The following METAP1 variants were observed in gnomAD, a reference collection of about 807,000 sequenced individuals.
METAP1 encodes the protein methionine aminopeptidase 1.
METAP1 carries 28 observed loss-of-function variants against 53.8 expected under a neutral mutation model. The ratio of observed to expected loss-of-function variants is 0.52; its 90% confidence interval spans 0.39 to 0.71. METAP1 has a LOEUF of 0.71. Ranked by LOEUF, METAP1 falls within the 30% of genes least tolerant of loss-of-function variation. The pLI, the probability that METAP1 is intolerant of heterozygous loss-of-function variation, is 0.00. For missense variants in METAP1, 389 were observed against 479.8 expected, an observed-to-expected ratio of 0.81 and a Z score of 1.77; for synonymous variants, 181 against 165.7, an observed-to-expected ratio of 1.09 and a Z score of -0.71.
chr4:99,057,634 C>A, intron 9 of METAP1, 119 bp from the exon 10 acceptor site: 1 of 714,694 alleles, frequency 1.4e-6, no homozygotes, highest in South Asian at 1.9e-5. Context: ...GAAAGGGAAT[C>A]AGGGTAATTA....
chr4:99,023,461 T>TTA, intron 1 of METAP1: 1 of 980,894 alleles, frequency 1.0e-6, no homozygotes, highest in Non-Finnish European at 1.2e-6. Context: ...AGTTACCAGG[T>TTA]GACTACTCAG....
chr4:99,045,200 A>T lies in METAP1; in HGVS notation c.677A>T (p.Asn226Ile), dbSNP rs201900092. The change falls in exon 8 of 11, where the codon AAT (asparagine) becomes ATT (isoleucine). Residue 226 changes from asparagine (N) to isoleucine (I), a missense_variant. By Grantham distance (149) the Asn-to-Ile change is moderately radical. Transcript: ENST00000296411. ...GCAGTGGATATCACTCTTTATCGCAATGGTTATCATGGGGACCTGAATGAG... is the reference window on the plus strand; with the variant it reads ...GCAGTGGATATCACTCTTTATCGCATTGGTTATCATGGGGACCTGAATGAG... ...IVNVDITLYR[N>I]GYHGDLNETF... 6.2e-7 allele frequency: 1 copy of T among 1,613,506 alleles called. No individual in the cohort carries two copies.
intron 1 of METAP1, among the ~76,000 whole-genome samples, chr4:99,007,343 G>T (rs931600605): frequency 7.2e-5 from 11 of 152,170 alleles, no homozygotes; most frequent in African/African-American, 2.7e-4. Context: ...TGGTGGTTCT[G>T]TTCCTAGCAG....
chr4:99,022,900 C>A, intron 1 of METAP1: 1 of 1,509,824 alleles, frequency 6.6e-7, no homozygotes, highest in Non-Finnish European at 8.9e-7. Flanking sequence ...CAGTCCTCAG[C>A]CTGAAAGAAC....
rs1188170441 is a variant in METAP1 at position 99,026,850 on chromosome 4, T to C, written c.115-2017T>C. ...ATGGCCCCAGTAAGGAAGATAAAGA[T>C]GGGTGTCCTTAAAGAGGTGAGAGGT... is the stretch of plus-strand genomic sequence containing the variant. On this transcript the variant is annotated intron_variant, in intron 1 of 10. Coordinates refer to ENST00000296411, the MANE Select transcript of METAP1 (RefSeq NM_015143.3). 4 of 985,230 alleles carry C rather than the reference T, an allele frequency of 4.1e-6. No homozygotes were observed. The African/African-American group carries it at 7.0e-5, about 17-fold the overall frequency. 61.0% of individuals were successfully genotyped at this position (985,230 alleles called of 1,614,324 possible). A position where few individuals can be genotyped will look rare whatever the true frequency, so the allele number is the denominator to read the frequency against.
intron 1 of METAP1, chr4:99,022,799 A>G: frequency 6.3e-7 from 1 of 1,597,072 alleles, no homozygotes; most frequent in Admixed American, 1.7e-5. Flanking sequence ...CTTGTCACGG[A>G]ACTCCACCCA....
intron 9 of METAP1, among the ~76,000 whole-genome samples, chr4:99,052,422 T>C (rs1183674073): frequency 6.6e-6 from 1 of 152,172 alleles, no homozygotes; most frequent in African/African-American, 2.4e-5. Flanking sequence ...TATACAAGCA[T>C]GGCAGCATCA....
intron 8 of METAP1, among the ~76,000 whole-genome samples, chr4:99,046,277 G>A (rs1007261356): frequency 6.6e-6 from 1 of 152,104 alleles, no homozygotes; most frequent in African/African-American, 2.4e-5. Flanking sequence ...AGCCAGGTGT[G>A]GTGGCGGGCG....
chr4:98,996,028 C>T (rs1325599869), intron 1 of METAP1, among the ~76,000 whole-genome samples, 161 bp downstream of exon 1: 1 of 152,210 alleles, frequency 6.6e-6, no homozygotes, highest in Non-Finnish European at 1.5e-5. Flanking sequence ...CCGCCCCCTC[C>T]TGCCTCCTGG....
chr4:99,029,369 C>A (rs1464920363), intron 2 of METAP1, among the ~76,000 whole-genome samples: 1 of 152,130 alleles, frequency 6.6e-6, no homozygotes, highest in African/African-American at 2.4e-5. Flanking sequence ...TTATTACCTG[C>A]AGTCTTATGT....
At chr4:99,050,098 A>G (rs1412225308) in intron 9 of METAP1, among the ~76,000 whole-genome samples, 1 of 152,176 alleles carries the variant, frequency 6.6e-6, no homozygotes, top group Non-Finnish European at 1.5e-5. Flanking sequence ...GATTGAAGAA[A>G]TTTGGTGCAG....
intron 1 of METAP1, among the ~76,000 whole-genome samples, chr4:99,007,398 G>A (rs925953820): frequency 6.6e-6 from 1 of 152,178 alleles, no homozygotes; most frequent in East Asian, 1.9e-4. Flanking sequence ...CTCACAATTG[G>A]CATTTAATCT....
intron 9 of METAP1, among the ~76,000 whole-genome samples, chr4:99,051,946 A>G (rs756349146): frequency 2.0e-5 from 3 of 152,138 alleles, no homozygotes; most frequent in Non-Finnish European, 4.4e-5. Context: ...ATTTGCTTCT[A>G]TGTTTGAATC....
At chr4:99,041,766 G>A (rs1440617967) in intron 6 of METAP1, among the ~76,000 whole-genome samples, 10 of 151,682 alleles carry the variant, frequency 6.6e-5, no homozygotes, top group African/African-American at 1.9e-4. Context: ...TGCATTGCTT[G>A]TGTGGAAATG....
chr4:99,003,197 A>G (rs1723002510), intron 1 of METAP1, among the ~76,000 whole-genome samples: 1 of 152,080 alleles, frequency 6.6e-6, no homozygotes, highest in Non-Finnish European at 1.5e-5. Flanking sequence ...GATATAAATG[A>G]TAAGTGAAAT....
chr4:99,002,493 C>T (rs1175475920), intron 1 of METAP1, among the ~76,000 whole-genome samples: 1 of 152,120 alleles, frequency 6.6e-6, no homozygotes, highest in African/African-American at 2.4e-5. Context: ...TAAGTCTTTT[C>T]CTTTGATTTC....
At chr4:99,005,740 A>G in intron 1 of METAP1, 1 of 420,104 alleles carries the variant, frequency 2.4e-6, no homozygotes, top group South Asian at 1.7e-5. Context: ...CCAGCCATTA[A>G]AAAAAGAATG....
At chr4:99,036,631 G>A (rs1053457519) in intron 4 of METAP1, among the ~76,000 whole-genome samples, 2 of 152,000 alleles carry the variant, frequency 1.3e-5, no homozygotes, top group Non-Finnish European at 2.9e-5. Flanking sequence ...CACTTAATAT[G>A]TCTTACAAAT....
At chr4:99,033,854 C>T (rs1725236969) in intron 2 of METAP1, among the ~76,000 whole-genome samples, 1 of 152,084 alleles carries the variant, frequency 6.6e-6, no homozygotes, top group Non-Finnish European at 1.5e-5. Context: ...GTAGGTTTTA[C>T]TAGGGCTTAT....
Sources: gnomAD v4.1 joint callset for allele counts (sites outside exome capture counted in the v4.1 genomes callset) on GRCh38, gnomAD v4.1.1 for gene constraint, MANE v1.5 for transcripts, NCBI Gene and HGNC (gene_info 2026-07-23, HGNC 2026-07-21) for gene names.